TSPAN9: variants seen among roughly 807,000 people sequenced by gnomAD.
TSPAN9 encodes tetraspanin-9.
TSPAN9 carries 16 observed loss-of-function variants against 31.0 expected under a neutral mutation model. That is an observed-to-expected ratio of 0.52 (90% CI 0.35 to 0.78). TSPAN9 has a LOEUF of 0.78. Ranked by LOEUF, TSPAN9 falls within the 30% of genes least tolerant of loss-of-function variation. The pLI, the probability that TSPAN9 is intolerant of heterozygous loss-of-function variation, is 0.01. For missense variants in TSPAN9, 272 were observed against 312.5 expected (o/e 0.87, Z 0.98); for synonymous variants, 145 against 121.6 (o/e 1.19, Z -1.27).
At chr12:3,105,895 C>T (rs539016810) in intron 2 of TSPAN9, among the ~76,000 whole-genome samples, 14 of 151,894 alleles carry the variant, frequency 9.2e-5, no homozygotes, top group Admixed American at 4.6e-4. Context: ...CACATGGTCA[C>T]GGGCACTCAT....
rs183440500 is a variant in TSPAN9 at position 3,279,677 on chromosome 12, A to G, written c.330+611A>G. 1.7e-3 allele frequency among the ~76,000 whole-genome samples: 264 copies of G among 152,294 alleles called. 2 individuals carry two copies. Among genetic ancestry groups the G allele is most frequent in the African/African-American group, 5.9e-3 (246 of 41,556 alleles). Reference sequence around the variant, plus strand: ...GGGGCGTGGCAGGCCCTTTGGTACCATGCACTCCAGAACTGTGTAAGGAGC... The same window carrying G: ...GGGGCGTGGCAGGCCCTTTGGTACCGTGCACTCCAGAACTGTGTAAGGAGC... On this transcript the variant is annotated intron_variant, in intron 5 of 8. Coordinates refer to ENST00000011898, the MANE Select transcript of TSPAN9 (RefSeq NM_006675.5).
intron 2 of TSPAN9, among the ~76,000 whole-genome samples, chr12:3,158,002 T>C (rs1436383753): frequency 6.6e-6 from 1 of 150,940 alleles, no homozygotes; most frequent in East Asian, 1.9e-4. Flanking sequence ...CTTTATCTAC[T>C]AAAAAAAAAG....
intron 3 of TSPAN9, among the ~76,000 whole-genome samples, chr12:3,267,443 G>A (rs1416721887): frequency 6.6e-6 from 1 of 152,162 alleles, no homozygotes; most frequent in African/African-American, 2.4e-5. Context: ...TGCACCTCCT[G>A]CTCCCCTGGG....
intron 3 of TSPAN9, among the ~76,000 whole-genome samples, chr12:3,232,395 T>C (rs901292111): frequency 1.3e-5 from 2 of 152,116 alleles, no homozygotes; most frequent in Non-Finnish European, 2.9e-5. Context: ...GGGAGGGATA[T>C]GGACACAGCA....
intron 3 of TSPAN9, among the ~76,000 whole-genome samples, chr12:3,266,981 C>G (rs915580365): frequency 1.3e-5 from 2 of 152,158 alleles, no homozygotes; most frequent in Non-Finnish European, 2.9e-5. Context: ...ACTTGCTGAG[C>G]TAGAGCCATG....
At chr12:3,123,734 T>C (rs1234666907) in intron 2 of TSPAN9, among the ~76,000 whole-genome samples, 1 of 152,154 alleles carries the variant, frequency 6.6e-6, no homozygotes, top group African/African-American at 2.4e-5. Flanking sequence ...GCAGGCACTC[T>C]CTGGGAGAGG....
At chr12:3,095,279 C>T (rs1322179928) in intron 2 of TSPAN9, among the ~76,000 whole-genome samples, 1 of 144,990 alleles carries the variant, frequency 6.9e-6, no homozygotes, top group African/African-American at 2.6e-5. Context: ...TCTTTCTACA[C>T]AGACACGGCA....
intron 2 of TSPAN9, among the ~76,000 whole-genome samples, chr12:3,176,844 C>A (rs931201016): frequency 5.9e-5 from 9 of 152,214 alleles, no homozygotes; most frequent in Non-Finnish European, 1.3e-4. Flanking sequence ...GATTACCCAC[C>A]AGAGCCCGTC....
intron 2 of TSPAN9, among the ~76,000 whole-genome samples, chr12:3,097,677 A>G (rs537725913): frequency 6.6e-6 from 1 of 152,334 alleles, no homozygotes; most frequent in African/African-American, 2.4e-5. Context: ...AGCAGGACTT[A>G]GAGCCCAGAG....
At chr12:3,174,476 C>A (rs1228804675) in intron 2 of TSPAN9, among the ~76,000 whole-genome samples, 1 of 152,222 alleles carries the variant, frequency 6.6e-6, no homozygotes, top group South Asian at 2.1e-4. Context: ...TTTGTGTGTT[C>A]ATTTCCAGGA....
chr12:3,184,858 T>C (rs2098360359), intron 2 of TSPAN9, among the ~76,000 whole-genome samples: 1 of 152,188 alleles, frequency 6.6e-6, no homozygotes, highest in African/African-American at 2.4e-5. Flanking sequence ...GCCTCTGTGT[T>C]GCACACCTTC....
chr12:3,159,713 CTG>C (rs1297772019), intron 2 of TSPAN9, among the ~76,000 whole-genome samples: 3 of 152,088 alleles, frequency 2.0e-5, no homozygotes, highest in South Asian at 4.2e-4. Context: ...AATTAAGAAA[CTG>C]TATATATAGA....
At chr12:3,135,869 G>C (rs2098331890) in intron 2 of TSPAN9, among the ~76,000 whole-genome samples, 1 of 152,236 alleles carries the variant, frequency 6.6e-6, no homozygotes, top group African/African-American at 2.4e-5. Context: ...AGAAGCGGCT[G>C]TCTCAGCTCA....
chr12:3,229,108 A>G (rs1291695869), intron 3 of TSPAN9, among the ~76,000 whole-genome samples: 2 of 152,224 alleles, frequency 1.3e-5, no homozygotes, highest in Non-Finnish European at 2.9e-5. Flanking sequence ...GGTCACATTC[A>G]CAGGTTCCAG....
At chr12:3,231,608 G>T (rs752839849) in intron 3 of TSPAN9, among the ~76,000 whole-genome samples, 2 of 152,242 alleles carry the variant, frequency 1.3e-5, no homozygotes, top group African/African-American at 2.4e-5. Flanking sequence ...GAGCCAGCAG[G>T]GGCGGGGTGG....
chr12:3,182,497 A>G (rs1310140709), intron 2 of TSPAN9, among the ~76,000 whole-genome samples: 1 of 151,264 alleles, frequency 6.6e-6, no homozygotes, highest in Non-Finnish European at 1.5e-5. Flanking sequence ...ACCACCAGAA[A>G]AGTTGGCCGG....
chr12:3,206,124 C>T lies in TSPAN9; in HGVS notation c.63+4868C>T, dbSNP rs74517989. Among the ~76,000 whole-genome samples the T allele has an allele frequency of 9.7e-3, 1,471 of 152,332 alleles. 31 individuals carry two copies. Among genetic ancestry groups the T allele is most frequent in the African/African-American group, 0.033 (1,364 of 41,564 alleles). ...GAAGAGCACAGAAAACACCCTCCGGCCTGCTCCTATCTCCATGTGCCTGGC... is the reference window on the plus strand; with the variant it reads ...GAAGAGCACAGAAAACACCCTCCGGTCTGCTCCTATCTCCATGTGCCTGGC... On this transcript the variant is annotated intron_variant, in intron 3 of 8. Transcript: ENST00000011898.
Position 3,117,879 on chromosome 12 carries a change from G to A in TSPAN9, c.-18+34160G>A, listed in dbSNP as rs182061690. Among the ~76,000 whole-genome samples, 978 of 152,218 alleles carry A rather than the reference G, an allele frequency of 6.4e-3. 4 individuals carry two copies. The highest frequency in any genetic ancestry group is 9.9e-3 in the Non-Finnish European group (674 of 68,012). On this transcript the variant is annotated intron_variant, in intron 2 of 8. Transcript: ENST00000011898. ...CCTCCAGCGAGAGGAAGCACCTTGG[G>A]AGGCAGTGGCTGCTGGTCCTGGGAC... is the stretch of plus-strand genomic sequence containing the variant.
At chr12:3,145,999 G>A (rs543829834) in intron 2 of TSPAN9, among the ~76,000 whole-genome samples, 51 of 152,370 alleles carry the variant, frequency 3.3e-4, no homozygotes, top group African/African-American at 1.2e-3. Context: ...GCGGGGCCTG[G>A]CGGTGGCCTT....
Sources: allele counts gnomAD v4.1 joint callset (sites outside exome capture counted in the v4.1 genomes callset), GRCh38; gene constraint gnomAD v4.1.1; transcripts MANE v1.5; gene names NCBI Gene and HGNC (gene_info 2026-07-23, HGNC 2026-07-21).